Variants in DIDO1 observed in about 807,000 individuals in gnomAD.
The protein encoded by DIDO1 is death-inducer obliterator 1.
DIDO1 carries 16 observed loss-of-function variants against 99.4 expected under a neutral mutation model. That is an observed-to-expected ratio of 0.16 (90% confidence interval 0.11 to 0.24). The LOEUF is 0.24. Ranked by LOEUF, DIDO1 falls within the 10% of genes least tolerant of loss-of-function variation. The probability of loss-of-function intolerance (pLI) is 1.00; values close to 1 mark genes in which losing one functional copy is unlikely to be tolerated. For synonymous variants in DIDO1, 1,366 were observed against 1,239.1 expected (o/e 1.10, Z -2.15); for missense variants, 2,996 against 3,014.0 (o/e 0.99, Z 0.14).
At position 62,878,460 on chromosome 20, in the gene DIDO1, T is replaced by C. The variant is rs1311285739; in HGVS notation, c.*773A>G. ...AGAAGAACTGCTCAGAAGGCGAAAC[T>C]GGACCAACAAAACTCCTGATTATTC... On this transcript the variant is annotated 3_prime_UTR_variant, in exon 16 of 16. Coordinates refer to ENST00000395343, the MANE Select transcript of DIDO1 (RefSeq NM_001193369.2). The C allele has an allele frequency of 1.3e-5, 2 of 152,230 alleles. No individual in the cohort carries two copies. The highest frequency in any genetic ancestry group is 4.8e-5 in the African/African-American group (2 of 41,452). 9.4% of individuals were successfully genotyped at this position (152,230 alleles called of 1,614,324 possible). A position where few individuals can be genotyped will look rare whatever the true frequency, so the allele number is the denominator to read the frequency against.
chr20:62,886,912 T>TCA (rs1270118404), intron 15 of DIDO1, among the ~76,000 whole-genome samples: 4 of 151,842 alleles, frequency 2.6e-5, no homozygotes, highest in Admixed American at 6.6e-5. Context: ...ACACACCCAC[T>TCA]CACACACACA....
intron 1 of DIDO1, among the ~76,000 whole-genome samples, chr20:62,926,088 C>T (rs1384309312): frequency 6.6e-6 from 1 of 152,180 alleles, no homozygotes; most frequent in African/African-American, 2.4e-5. Flanking sequence ...TCGCCCAGGC[C>T]AGCCCTGCGC....
chr20:62,909,843 T>C lies in DIDO1; in HGVS notation c.1017A>G (p.Lys339=), dbSNP rs368315333. 11 of 1,614,130 alleles carry C rather than the reference T, an allele frequency of 6.8e-6. No homozygotes were observed. The African/African-American group carries it at 9.3e-5, about 14-fold the overall frequency. ...TGCCATCAGCATCTCCAGGTCTCCA[T>C]TTAGCTTCCTGCTGATCTGCCGTTT... is the stretch of plus-strand genomic sequence containing the variant. ...HSETADQQEA[K]WRPGDADGTD... is the part of the protein sequence containing the mutation. The change falls in exon 4 of 16, where the codon AAA becomes AAG. Residue 339 remains lysine, a synonymous_variant. Coordinates refer to ENST00000395343, the MANE Select transcript of DIDO1 (RefSeq NM_001193369.2).
At chr20:62,887,789 G>T (rs773756431) in intron 15 of DIDO1, 2 of 985,280 alleles carry the variant, frequency 2.0e-6, no homozygotes, top group African/African-American at 1.7e-5. Context: ...AAGTCCCTGC[G>T]GGGGGCCCTG....
At chr20:62,936,287 C>T (rs1476375797) in intron 1 of DIDO1, among the ~76,000 whole-genome samples, 2 of 152,168 alleles carry the variant, frequency 1.3e-5, no homozygotes, top group Admixed American at 1.3e-4. Flanking sequence ...GATGCGGTGG[C>T]TCATGACTGT....
chr20:62,890,462 C>T lies in DIDO1; in HGVS notation c.3541+498G>A, dbSNP rs577482278. The T allele has an allele frequency of 5.0e-6, 5 of 992,592 alleles. No individual in the cohort carries two copies. In the East Asian group the frequency reaches 5.5e-4, roughly 109 times the overall value. The allele number at this position is 992,592 out of a possible 1,614,324, so 61.5% of individuals were successfully genotyped here. A position where few individuals can be genotyped will look rare whatever the true frequency, so the allele number is the denominator to read the frequency against. The stretch of plus-strand genomic sequence containing the variant: ...TTGCCAAAGATGAATGAACCTATTA[C>T]AATTTGAGCTGCAGATTTTAAAATA... On this transcript the variant is annotated intron_variant, in intron 15 of 15. Transcript: ENST00000395343.
At position 62,911,373 on chromosome 20, in the gene DIDO1, A is replaced by G. The variant is rs1415336150; in HGVS notation, c.240T>C (p.Ile80=). ...TGCTCCTCCTGCCGCGGCGCCGCGC[A>G]ATGGTCAGGAACTGCTCCACGCGCT... ...RTERVEQFLT[I]ARRRGRRSMP... is the part of the protein sequence containing the mutation. Residue 80 remains isoleucine (I), a synonymous_variant, in exon 3 of 16, where the codon ATT becomes ATC. Coordinates refer to ENST00000395343, the MANE Select transcript of DIDO1 (RefSeq NM_001193369.2). The surrounding 1 kb of genome is among the most constrained non-coding windows in gnomAD (Gnocchi z 7.0). The G allele has an allele frequency of 3.1e-6, 5 of 1,611,676 alleles. No individual in the cohort carries two copies. In the East Asian group the frequency reaches 6.7e-5, roughly 22 times the overall value.
intron 8 of DIDO1, among the ~76,000 whole-genome samples, chr20:62,895,896 C>A (rs1007355086): frequency 6.6e-6 from 1 of 152,232 alleles, no homozygotes; most frequent in Non-Finnish European, 1.5e-5. Flanking sequence ...CACCCTCATA[C>A]ACTGGGATGA....
At chr20:62,883,830 A>C (rs1450778703) in intron 15 of DIDO1, among the ~76,000 whole-genome samples, 1 of 151,752 alleles carries the variant, frequency 6.6e-6, no homozygotes, top group East Asian at 1.9e-4. Context: ...TGTCTCAAAA[A>C]AACAAAACAA....
chr20:62,913,686 C>A (rs1167536533), intron 2 of DIDO1, among the ~76,000 whole-genome samples: 1 of 152,226 alleles, frequency 6.6e-6, no homozygotes, highest in Non-Finnish European at 1.5e-5. Flanking sequence ...AAGATGTAGT[C>A]TGAGGGGCTC....
intron 4 of DIDO1, among the ~76,000 whole-genome samples, chr20:62,907,608 C>T (rs2064836258): frequency 6.6e-6 from 1 of 152,256 alleles, no homozygotes; most frequent in Non-Finnish European, 1.5e-5. Context: ...GGACTGCCGC[C>T]CTCTGCTCTG....
Position 62,881,290 on chromosome 20 carries a change from T to C in DIDO1, c.4666A>G (p.Asn1556Asp). ...CTCGCCTGCCGGGGGTCCCTGTGGT[T>C]TGACGCCTGGCTGGCGGGGGGCAGT... ...ASLPPASQAS[N>D]HRDPRQARRL... is the part of the protein sequence containing the mutation. Residue 1556 changes from asparagine (N) to aspartate (D), a missense_variant, in exon 16 of 16, where the codon AAC becomes GAC. Physicochemically the swap from Asn to Asp is conservative, Grantham distance 23. Around this residue, in one of 5 missense-constraint regions of DIDO1, gnomAD observed 1,562 missense variants for 1,412.6 expected, o/e 1.11. Transcript: ENST00000395343. The surrounding 1 kb of genome is among the most constrained non-coding windows in gnomAD (Gnocchi z 8.3). The C allele has an allele frequency of 6.2e-7, 1 of 1,605,154 alleles. No homozygotes were observed. The highest frequency in any genetic ancestry group is 1.1e-5 in the South Asian group (1 of 90,992).
chr20:62,882,470 T>A, intron 15 of DIDO1, 56 bp from the exon 16 acceptor site: 1 of 1,509,724 alleles, frequency 6.6e-7, no homozygotes, highest in South Asian at 1.3e-5. Flanking sequence ...TTTTACCCTT[T>A]AGAGGTGAAT....
intron 12 of DIDO1, among the ~76,000 whole-genome samples, 190 bp from the exon 13 acceptor site, chr20:62,893,152 A>G (rs957682736): frequency 6.6e-6 from 1 of 152,038 alleles, no homozygotes; most frequent in African/African-American, 2.4e-5. Context: ...CAGCCTTTCA[A>G]GTAGCTGGGA....
Position 62,879,274 on chromosome 20 carries a change from C to A in DIDO1, c.6682G>T (p.Ala2228Ser). 6.4e-7 allele frequency: 1 copy of A among 1,572,740 alleles called. No individual in the cohort carries two copies. The highest frequency in any genetic ancestry group is 1.8e-5 in the Admixed American group (1 of 55,652). The change falls in exon 16 of 16, where the codon GCC becomes TCC. Residue 2228 changes from alanine to serine, a missense_variant. By Grantham distance (99) the Ala-to-Ser change is moderately conservative. Transcript: ENST00000395343. The surrounding 1 kb of genome is among the most constrained non-coding windows in gnomAD (Gnocchi z 6.3). ...KESARDPKPE[A>S]SRASDAGTAS... ...GTGCCAGCGTCGGAGGCCCTCGAGG[C>A]CTCGGGCTTCGGGTCCCGAGCGCTC...
chr20:62,937,892 T>G, exon 1 of DIDO1: 1 of 398,262 alleles, frequency 2.5e-6, no homozygotes, highest in Non-Finnish European at 4.4e-6. Context: ...GGCCGACGCC[T>G]TTTGACTCTG....
intron 15 of DIDO1, chr20:62,887,634 G>A: frequency 3.0e-6 from 3 of 985,554 alleles, no homozygotes; most frequent in Non-Finnish European, 3.6e-6. Context: ...AATGACGGGG[G>A]CTGGGCATGG....
intron 8 of DIDO1, among the ~76,000 whole-genome samples, 157 bp from the exon 9 acceptor site, chr20:62,895,322 G>A (rs919306056): frequency 6.6e-6 from 1 of 152,348 alleles, no homozygotes; most frequent in South Asian, 2.1e-4. Context: ...CCTCCCTGCA[G>A]GGTGTGACCT....
At position 62,882,302 on chromosome 20, in the gene DIDO1, A is replaced by C; in HGVS notation, c.3654T>G (p.Leu1218=). The C allele has an allele frequency of 6.2e-7, 1 of 1,614,012 alleles. No individual in the cohort carries two copies. Among genetic ancestry groups the C allele is most frequent in the East Asian group, 2.2e-5 (1 of 44,876 alleles). The change falls in exon 16 of 16, where the codon CTT becomes CTG. Residue 1218 remains leucine (L), a synonymous_variant. Transcript: ENST00000395343. The stretch of plus-strand genomic sequence containing the variant: ...CCGGAACGTCCGCTTCTTCCGGTTG[A>C]AGTCGGGTCCGCTTTTCGTCCATCT... The part of the protein sequence containing the change: ...LDKMDEKRTR[L]QPEEADVPAY...
Sources: allele counts gnomAD v4.1 joint callset (sites outside exome capture counted in the v4.1 genomes callset), GRCh38; gene constraint gnomAD v4.1.1; regional missense constraint gnomAD v4.1.1; non-coding constraint Gnocchi (gnomAD v3.1); transcripts MANE v1.5; gene names NCBI Gene and HGNC (gene_info 2026-07-23, HGNC 2026-07-21).